The following DOCK3 variants were observed in gnomAD, a reference collection of about 807,000 sequenced individuals.
DOCK3 encodes dedicator of cytokinesis protein 3.
DOCK3 carries 60 observed loss-of-function variants against 265.6 expected under a neutral mutation model. That is an observed-to-expected ratio of 0.23 (90% confidence interval 0.18 to 0.28). The LOEUF is 0.28. DOCK3 is among the 10% of genes least tolerant of loss of function. DOCK3 has a pLI of 1.00. For missense variants in DOCK3, 1,981 were observed against 2,594.3 expected, an observed-to-expected ratio of 0.76 and a Z score of 5.14; for synonymous variants, 881 against 938.0, an observed-to-expected ratio of 0.94 and a Z score of 1.11.
chr3:50,834,236 T>C (rs1336165622), intron 2 of DOCK3, among the ~76,000 whole-genome samples: 2 of 151,992 alleles, frequency 1.3e-5, no homozygotes, highest in Admixed American at 6.6e-5. Context: ...AGAGGTTTTT[T>C]CAAGGGATCA....
At chr3:51,228,225 A>G in intron 17 of DOCK3, 137 bp downstream of exon 17, 1 of 796,992 alleles carries the variant, frequency 1.3e-6, no homozygotes, top group Non-Finnish European at 2.0e-6. Flanking sequence ...ACAGTGGGAC[A>G]TCTGTGGGCA....
chr3:51,165,619 C>T (rs1205132083), intron 12 of DOCK3, among the ~76,000 whole-genome samples: 1 of 152,162 alleles, frequency 6.6e-6, no homozygotes, highest in Non-Finnish European at 1.5e-5. Flanking sequence ...CCTCTAGCCC[C>T]TGGCAACCAC....
intron 6 of DOCK3, among the ~76,000 whole-genome samples, chr3:51,065,878 CAGAG>C (rs2081574496): frequency 6.6e-6 from 1 of 152,178 alleles, no homozygotes. Context: ...TTCTACAAGA[CAGAG>C]AGAGACCAAG....
intron 1 of DOCK3, among the ~76,000 whole-genome samples, chr3:50,697,911 T>A (rs1294991096): frequency 6.6e-6 from 1 of 152,158 alleles, no homozygotes; most frequent in East Asian, 1.9e-4. Flanking sequence ...TTTTTTGAGG[T>A]AAAAATCAGT....
At position 51,307,883 on chromosome 3, in the gene DOCK3, TTTTTTTTG is replaced by T. The variant is rs1576739611; in HGVS notation, c.2923-2341_2923-2334del. Among the ~76,000 whole-genome samples the T allele has an allele frequency of 4.7e-5, 7 of 149,376 alleles. No individual in the cohort carries two copies. In the South Asian group the frequency reaches 1.1e-3, roughly 23 times the overall value. ...CTGGGATGTTAAATTATATGGGTTT[TTTTTTTTG>T]TTTTTTTTTTCTCTCCAACAAATGC... On this transcript the variant is annotated intron_variant, in intron 27 of 52. Coordinates refer to ENST00000266037, the MANE Select transcript of DOCK3 (RefSeq NM_004947.5).
intron 48 of DOCK3, 127 bp from the exon 49 acceptor site, chr3:51,362,400 C>T: frequency 4.0e-6 from 5 of 1,260,706 alleles, no homozygotes; most frequent in Non-Finnish European, 5.5e-6. Context: ...TGGCCTCCAT[C>T]AGGGCTCAGG....
At chr3:51,090,138 GAA>G in intron 8 of DOCK3, 90 bp from the exon 9 acceptor site, 2 of 1,323,586 alleles carry the variant, frequency 1.5e-6, no homozygotes. Context: ...TCAGTAGTGT[GAA>G]AAGAGTTTGT....
In DOCK3 at chr3:51,348,528, AAAGT is replaced by A. The variant is rs141521724; in HGVS notation, c.3916-317_3916-314del. 1.3e-3 allele frequency among the ~76,000 whole-genome samples: 202 copies of A among 152,338 alleles called. 4 individuals carry two copies. In the East Asian group the frequency reaches 0.034, roughly 26 times the overall value. ...TCTGATTGAGACTAATACAACAAGA[AAAGT>A]AAGTAATTTTTTTAAATTAAGATAA... is the stretch of plus-strand genomic sequence containing the variant. On this transcript the variant is annotated intron_variant, in intron 38 of 52. Transcript: ENST00000266037.
chr3:50,916,105 A>G (rs964835265), intron 4 of DOCK3, among the ~76,000 whole-genome samples: 1 of 152,046 alleles, frequency 6.6e-6, no homozygotes. Context: ...GGGATGGGAC[A>G]TGGTGTCGGC....
At chr3:51,016,565 A>ATTTATATATAG (rs1559944265) in intron 5 of DOCK3, among the ~76,000 whole-genome samples, 7 of 83,118 alleles carry the variant, frequency 8.4e-5, no homozygotes, top group African/African-American at 3.7e-4. Context: ...ATCATATATT[A>ATTTATATATAG]TATATATATT....
intron 4 of DOCK3, chr3:50,900,998 G>A (rs1169402236): frequency 2.5e-6 from 1 of 396,304 alleles, no homozygotes; most frequent in Admixed American, 3.3e-5. Flanking sequence ...CAGAGCTTGA[G>A]CAATGTGCTG....
intron 14 of DOCK3, among the ~76,000 whole-genome samples, chr3:51,217,924 C>A (rs1419861398): frequency 6.6e-6 from 1 of 151,762 alleles, no homozygotes; most frequent in Non-Finnish European, 1.5e-5. Flanking sequence ...TCAAGACCAA[C>A]CTGGCCAACA....
intron 27 of DOCK3, among the ~76,000 whole-genome samples, chr3:51,305,718 G>A (rs896176163): frequency 2.4e-5 from 1 of 42,052 alleles, no homozygotes; most frequent in Non-Finnish European, 4.6e-5. Context: ...GTGTGTGTCT[G>A]TGTGTGTGTG....
intron 2 of DOCK3, among the ~76,000 whole-genome samples, chr3:50,837,051 T>C (rs1181634967): frequency 1.3e-5 from 2 of 152,192 alleles, no homozygotes; most frequent in African/African-American, 4.8e-5. Flanking sequence ...GTCAAAATCA[T>C]TTAACAAGTC....
chr3:51,157,276 C>T (rs1006273937), intron 10 of DOCK3, among the ~76,000 whole-genome samples: 2 of 151,270 alleles, frequency 1.3e-5, no homozygotes, highest in African/African-American at 2.4e-5. Context: ...TTTTTTGAGA[C>T]GGAGTCTCTC....
At position 51,201,492 on chromosome 3, in the gene DOCK3, C is replaced by T. The variant is rs139477793; in HGVS notation, c.1038-7282C>T. Among the ~76,000 whole-genome samples, 454 of 152,234 alleles carry T rather than the reference C, an allele frequency of 3.0e-3. 1 individual carries two copies. The highest frequency in any genetic ancestry group is 0.01 in the African/African-American group (426 of 41,532). ...GCTAACTATCCTAAATATATATGCA[C>T]CCAATACAGGAGCACCCAGACACAT... On this transcript the variant is annotated intron_variant, in intron 12 of 52. Transcript: ENST00000266037.
intron 5 of DOCK3, among the ~76,000 whole-genome samples, chr3:50,976,642 C>G (rs367752168): frequency 1.3e-4 from 20 of 151,844 alleles, no homozygotes; most frequent in African/African-American, 2.2e-4. Context: ...GGAGAGTTCT[C>G]TAGATGTCTA....
At chr3:50,713,538 AAG>A (rs1297741840) in intron 1 of DOCK3, among the ~76,000 whole-genome samples, 10 of 152,188 alleles carry the variant, frequency 6.6e-5, no homozygotes, top group Non-Finnish European at 7.4e-5. Flanking sequence ...CCTCTTGTTC[AAG>A]AATTCACAAT....
chr3:50,932,566 A>G (rs1425584592), intron 4 of DOCK3, among the ~76,000 whole-genome samples: 1 of 152,148 alleles, frequency 6.6e-6, no homozygotes, highest in East Asian at 1.9e-4. Flanking sequence ...CTTTTCATTC[A>G]GGTTACTTGT....
Sources: gnomAD v4.1 joint callset for allele counts (sites outside exome capture counted in the v4.1 genomes callset) on GRCh38, gnomAD v4.1.1 for gene constraint, MANE v1.5 for transcripts, NCBI Gene and HGNC (gene_info 2026-07-23, HGNC 2026-07-21) for gene names.